The following HDAC9 variants were observed in gnomAD, a reference collection of about 807,000 sequenced individuals.
HDAC9 encodes histone deacetylase 9, also known as MEF-2 interacting transcription repressor (MITR) protein.
HDAC9 carries 41 observed loss-of-function variants against 139.4 expected under a neutral mutation model. That is an observed-to-expected ratio of 0.29 (90% CI 0.23 to 0.38). The LOEUF (loss-of-function observed/expected upper bound fraction) is 0.38. Ranked by LOEUF, HDAC9 falls within the 10% of genes least tolerant of loss-of-function variation. HDAC9 has a pLI of 1.00. For missense variants in HDAC9, 1,147 were observed against 1,297.0 expected (o/e 0.88, Z 1.78); for synonymous variants, 517 against 476.2 (o/e 1.09, Z -1.12).
At chr7:18,635,952 C>T (rs1041380545) in intron 8 of HDAC9, among the ~76,000 whole-genome samples, 5 of 152,050 alleles carry the variant, frequency 3.3e-5, no homozygotes, top group African/African-American at 1.2e-4. Flanking sequence ...ATTTTATACA[C>T]ACAAACACAA....
chr7:18,551,156 T>TAGA (rs1188516433), intron 2 of HDAC9, among the ~76,000 whole-genome samples: 3 of 152,170 alleles, frequency 2.0e-5, no homozygotes, highest in Non-Finnish European at 4.4e-5. Flanking sequence ...CATGAGCATC[T>TAGA]GGAAGGTTAG....
At chr7:18,566,812 A>G (rs1822509871) in intron 2 of HDAC9, among the ~76,000 whole-genome samples, 1 of 152,250 alleles carries the variant, frequency 6.6e-6, no homozygotes, top group African/African-American at 2.4e-5. Flanking sequence ...GTGAGAATCA[A>G]GCAAGATGAC....
chr7:18,239,053 C>T (rs753353122), intron 2 of HDAC9, among the ~76,000 whole-genome samples: 2 of 151,950 alleles, frequency 1.3e-5, no homozygotes, highest in African/African-American at 2.4e-5. Flanking sequence ...GATTTTTCAC[C>T]GGCTTTACAC....
In HDAC9 at chr7:18,096,926, C is replaced by G. The variant is rs117092396; in HGVS notation, c.-97+9713C>G. On this transcript the variant is annotated intron_variant, in intron 1 of 12. Coordinates refer to the HDAC9 transcript ENST00000417496. Reference sequence around the variant, plus strand: ...GTGTGTGTGTGTGTGTGTGTGTATTCGTACTCTTTTAGATCTAATCTCTTA... The same window carrying G: ...GTGTGTGTGTGTGTGTGTGTGTATTGGTACTCTTTTAGATCTAATCTCTTA... 1.8e-4 allele frequency among the ~76,000 whole-genome samples: 23 copies of G among 127,842 alleles called. No homozygotes were observed. In the East Asian group the frequency reaches 5.0e-3, roughly 28 times the overall value. The allele number at this position is 127,842 out of a possible 152,430, so 83.9% of individuals were successfully genotyped here. A position where few individuals can be genotyped will look rare whatever the true frequency, so the allele number is the denominator to read the frequency against.
intron 24 of HDAC9, among the ~76,000 whole-genome samples, chr7:18,972,648 TG>T (rs536295456): frequency 3.4e-3 from 523 of 152,320 alleles, no homozygotes; most frequent in African/African-American, 0.012. Context: ...CCCAAAGTGC[TG>T]GGATTACAGG....
intron 1 of HDAC9, among the ~76,000 whole-genome samples, chr7:18,110,629 G>A (rs1433555210): frequency 6.6e-6 from 1 of 152,160 alleles, no homozygotes; most frequent in Non-Finnish European, 1.5e-5. Context: ...TAAAGAGTTT[G>A]GAGTTTAGCC....
chr7:18,897,079 C>T (rs1386824902), intron 22 of HDAC9, among the ~76,000 whole-genome samples: 2 of 151,630 alleles, frequency 1.3e-5, no homozygotes, highest in African/African-American at 4.8e-5. Flanking sequence ...AGTTTAAAAC[C>T]ACAACCTATA....
At chr7:18,396,537 A>G (rs1231258774) in intron 1 of HDAC9, among the ~76,000 whole-genome samples, 1 of 151,942 alleles carries the variant, frequency 6.6e-6, no homozygotes, top group Non-Finnish European at 1.5e-5. Flanking sequence ...TTGATTTTCC[A>G]TTTTAGGCTG....
chr7:18,375,476 C>A, intron 1 of HDAC9, among the ~76,000 whole-genome samples: 1 of 145,260 alleles, frequency 6.9e-6, no homozygotes, highest in African/African-American at 2.8e-5. Flanking sequence ...CTCAAAACAA[C>A]AACAACAACA....
At chr7:18,696,649 T>C (rs1292912212) in intron 12 of HDAC9, among the ~76,000 whole-genome samples, 2 of 152,064 alleles carry the variant, frequency 1.3e-5, no homozygotes, top group Admixed American at 6.6e-5. Context: ...TTTGTGTTTT[T>C]AGTAGAGACA....
intron 17 of HDAC9, among the ~76,000 whole-genome samples, chr7:18,817,769 C>T (rs919916536): frequency 6.6e-6 from 1 of 152,144 alleles, no homozygotes; most frequent in African/African-American, 2.4e-5. Flanking sequence ...TGTACTATCC[C>T]AGCATAGTCA....
chr7:18,152,632 C>G (rs17138674), intron 1 of HDAC9, among the ~76,000 whole-genome samples: 9,154 of 152,172 alleles, frequency 0.06, 294 homozygotes, highest in African/African-American at 0.07. Flanking sequence ...TGAGAAATCA[C>G]TGGTATGAAA....
chr7:18,680,982 A>G lies in HDAC9; in HGVS notation c.1731+14506A>G, dbSNP rs552102640. ...TGAAAAAGAAATATTGAGTAGATGA[A>G]GAAGAGCTGTTGCTTTCTATGGCTT... On this transcript the variant is annotated intron_variant, in intron 12 of 25. Coordinates refer to ENST00000686413, the MANE Select transcript of HDAC9 (RefSeq NM_178425.4). Among the ~76,000 whole-genome samples, 4 of 152,192 alleles carry G rather than the reference A, an allele frequency of 2.6e-5. No homozygotes were observed. The East Asian group carries it at 7.8e-4, about 30-fold the overall frequency.
Position 18,674,644 on chromosome 7 carries a change from T to A in HDAC9, c.1731+8168T>A, listed in dbSNP as rs535693359. On this transcript the variant is annotated intron_variant, in intron 12 of 25. Transcript: ENST00000686413. ...CTGAACTTTATTTTAATGGTTTTTG[T>A]TTTACATTGTTCTTATTCAGATGTA... Among the ~76,000 whole-genome samples, 3 of 152,204 alleles carry A rather than the reference T, an allele frequency of 2.0e-5. No homozygotes were observed. The East Asian group carries it at 5.8e-4, about 30-fold the overall frequency.
chr7:18,733,818 G>A (rs1786628376), intron 13 of HDAC9, among the ~76,000 whole-genome samples: 1 of 152,082 alleles, frequency 6.6e-6, no homozygotes, highest in African/African-American at 2.4e-5. Context: ...GTCTGGAAAT[G>A]TGATCAAATG....
chr7:18,642,457 T>G (rs572699820), intron 8 of HDAC9, among the ~76,000 whole-genome samples: 1 of 152,244 alleles, frequency 6.6e-6, no homozygotes, highest in African/African-American at 2.4e-5. Flanking sequence ...TTGGTCAGTT[T>G]AAAGGTTTTG....
chr7:18,212,673 G>C (rs185947535), intron 2 of HDAC9, among the ~76,000 whole-genome samples: 1 of 152,166 alleles, frequency 6.6e-6, no homozygotes. Flanking sequence ...GACAGAGGAG[G>C]CATCTTTTCT....
chr7:18,968,901 G>A (rs927614187), intron 24 of HDAC9, among the ~76,000 whole-genome samples: 3 of 134,960 alleles, frequency 2.2e-5, no homozygotes, highest in African/African-American at 8.2e-5. Context: ...AGAGCTTGCA[G>A]TGAGCCGAGA....
intron 1 of HDAC9, among the ~76,000 whole-genome samples, chr7:18,448,889 T>C (rs1343677006): frequency 6.6e-6 from 1 of 152,068 alleles, no homozygotes; most frequent in East Asian, 1.9e-4. Flanking sequence ...GCATAGTAGA[T>C]GCTTAAAAAT....
Sources: allele counts gnomAD v4.1 joint callset (sites outside exome capture counted in the v4.1 genomes callset), GRCh38; gene constraint gnomAD v4.1.1; transcripts MANE v1.5; gene names NCBI Gene and HGNC (gene_info 2026-07-23, HGNC 2026-07-21).